Variants in ZRANB3 observed in about 807,000 individuals in gnomAD.
ZRANB3 encodes the protein DNA annealing helicase and endonuclease ZRANB3.
In ZRANB3, 125 loss-of-function variants were observed where a neutral mutation model predicts 133.8. That is an observed-to-expected ratio of 0.93 (90% confidence interval 0.81 to 1.08). ZRANB3 has a LOEUF of 1.08. Ranked by LOEUF, ZRANB3 falls within the 50% of genes least tolerant of loss-of-function variation. The pLI, the probability that ZRANB3 is intolerant of heterozygous loss-of-function variation, is 0.00. For synonymous variants in ZRANB3, 387 were observed against 432.7 expected, an observed-to-expected ratio of 0.89 and a Z score of 1.31; for missense variants, 1,229 against 1,275.5, an observed-to-expected ratio of 0.96 and a Z score of 0.56.
intron 17 of ZRANB3, among the ~76,000 whole-genome samples, chr2:135,210,943 C>A (rs886203753): frequency 6.6e-6 from 1 of 151,876 alleles, no homozygotes; most frequent in African/African-American, 2.4e-5. Flanking sequence ...GCAGGAGAAC[C>A]GCTTGAACCA....
intron 12 of ZRANB3, among the ~76,000 whole-genome samples, chr2:135,247,567 G>A (rs1695854451): frequency 6.6e-6 from 1 of 151,792 alleles, no homozygotes; most frequent in South Asian, 2.1e-4. Context: ...TTTTTTTAGA[G>A]ACATGGTCTT....
chr2:135,314,215 G>A (rs535743568), intron 7 of ZRANB3, among the ~76,000 whole-genome samples: 1 of 152,192 alleles, frequency 6.6e-6, no homozygotes, highest in East Asian at 1.9e-4. Context: ...AGAAACATAA[G>A]AAAGCAGAGT....
At chr2:135,451,786 A>G (rs1477636357) in intron 2 of ZRANB3, among the ~76,000 whole-genome samples, 1 of 152,220 alleles carries the variant, frequency 6.6e-6, no homozygotes, top group Non-Finnish European at 1.5e-5. Flanking sequence ...CATATGTAGA[A>G]GAAGCTAGAG....
chr2:135,468,660 G>T (rs896061555), intron 2 of ZRANB3, among the ~76,000 whole-genome samples: 7 of 152,190 alleles, frequency 4.6e-5, no homozygotes, highest in Non-Finnish European at 5.9e-5. Flanking sequence ...ACCCTAAGTT[G>T]TAGAACACTG....
At chr2:135,381,070 G>A (rs911196554) in intron 3 of ZRANB3, among the ~76,000 whole-genome samples, 1 of 152,202 alleles carries the variant, frequency 6.6e-6, no homozygotes, top group East Asian at 1.9e-4. Context: ...TCACCTGGAA[G>A]CGTAAGGGAT....
intron 6 of ZRANB3, among the ~76,000 whole-genome samples, chr2:135,319,684 T>G (rs535545471): frequency 2.0e-5 from 3 of 152,332 alleles, no homozygotes; most frequent in African/African-American, 7.2e-5. Flanking sequence ...TAAGACACGT[T>G]CGCACTGCAA....
chr2:135,419,698 G>A (rs1174399333), intron 2 of ZRANB3, among the ~76,000 whole-genome samples: 4 of 135,710 alleles, frequency 2.9e-5, no homozygotes, highest in African/African-American at 1.0e-4. Flanking sequence ...TCCTCACAAA[G>A]GTTTTTTTTT....
intron 1 of ZRANB3, chr2:135,510,452 G>A: frequency 2.1e-6 from 1 of 483,652 alleles, no homozygotes; most frequent in Non-Finnish European, 3.8e-6. Context: ...ATAACAAACT[G>A]GGGTCATACT....
intron 12 of ZRANB3, among the ~76,000 whole-genome samples, chr2:135,248,305 A>G (rs1302204325): frequency 6.6e-6 from 1 of 152,194 alleles, no homozygotes; most frequent in Non-Finnish European, 1.5e-5. Context: ...CCCTGTACAG[A>G]GCCTCCAGGC....
chr2:135,479,284 T>G (rs1329518268), intron 2 of ZRANB3, among the ~76,000 whole-genome samples: 1 of 152,184 alleles, frequency 6.6e-6, no homozygotes, highest in African/African-American at 2.4e-5. Context: ...AGATAAAAAG[T>G]CTGATAAAGT....
chr2:135,366,092 G>A (rs1016733672), intron 3 of ZRANB3, among the ~76,000 whole-genome samples: 16 of 152,330 alleles, frequency 1.1e-4, no homozygotes, highest in African/African-American at 3.6e-4. Context: ...GGTTGAACAA[G>A]TACTTGGATT....
intron 2 of ZRANB3, among the ~76,000 whole-genome samples, chr2:135,452,317 A>G (rs1690313267): frequency 6.6e-6 from 1 of 152,124 alleles, no homozygotes. Flanking sequence ...GATACAATTC[A>G]AGTTGAGATT....
chr2:135,390,831 A>C lies in ZRANB3; in HGVS notation c.162-11T>G. ...TCAGCCACCATACACCTGGAAAAAA[A>C]AAAAAAAAAAAATTAATTATCAGAG... On this transcript the variant is annotated splice_polypyrimidine_tract_variant and intron_variant, in intron 2 of 20. Transcript: ENST00000264159. 6.6e-7 allele frequency: 1 copy of C among 1,506,240 alleles called. No homozygotes were observed. Among genetic ancestry groups the C allele is most frequent in the Non-Finnish European group, 8.8e-7 (1 of 1,136,142 alleles). The allele number at this position is 1,506,240 out of a possible 1,614,324, so 93.3% of individuals were successfully genotyped here.
chr2:135,500,577 A>T (rs1240829671), intron 2 of ZRANB3, among the ~76,000 whole-genome samples: 3 of 152,132 alleles, frequency 2.0e-5, no homozygotes, highest in Non-Finnish European at 4.4e-5. Flanking sequence ...GTTAGAAGTC[A>T]GGATAGTGGT....
At chr2:135,370,680 C>T (rs568735669) in intron 3 of ZRANB3, among the ~76,000 whole-genome samples, 21 of 152,186 alleles carry the variant, frequency 1.4e-4, no homozygotes, top group Non-Finnish European at 2.4e-4. Flanking sequence ...AGCTACTCTA[C>T]ATGAAAAGTT....
intron 3 of ZRANB3, among the ~76,000 whole-genome samples, chr2:135,390,133 C>T (rs2104924996): frequency 6.6e-6 from 1 of 152,182 alleles, no homozygotes; most frequent in Non-Finnish European, 1.5e-5. Flanking sequence ...CCTGCCTCGG[C>T]CTCCCAAAGT....
intron 15 of ZRANB3, among the ~76,000 whole-genome samples, chr2:135,220,912 A>G (rs1694526174): frequency 6.9e-6 from 1 of 145,130 alleles, no homozygotes; most frequent in Non-Finnish European, 1.5e-5. Flanking sequence ...GCTGGAGTGC[A>G]GTGGCACGAT....
At chr2:135,230,985 C>A (rs566016249) in intron 12 of ZRANB3, 58 bp from the exon 13 acceptor site, 1 of 1,446,678 alleles carries the variant, frequency 6.9e-7, no homozygotes, top group East Asian at 2.4e-5. Flanking sequence ...GTTCTTCTTA[C>A]ATAAAAGAGC....
intron 12 of ZRANB3, among the ~76,000 whole-genome samples, chr2:135,236,264 A>C (rs1282368907): frequency 6.6e-6 from 1 of 152,092 alleles, no homozygotes; most frequent in Non-Finnish European, 1.5e-5. Flanking sequence ...GAGAACTACA[A>C]ACCACTGCTC....
Sources: gnomAD v4.1 joint callset for allele counts (sites outside exome capture counted in the v4.1 genomes callset) on GRCh38, gnomAD v4.1.1 for gene constraint, MANE v1.5 for transcripts, NCBI Gene and HGNC (gene_info 2026-07-23, HGNC 2026-07-21) for gene names.